Variants in DGKA observed in about 807,000 individuals in gnomAD.
The protein encoded by DGKA is diacylglycerol kinase alpha, also known as 80 kDa diacylglycerol kinase.
A neutral mutation model predicts 105.0 loss-of-function variants in DGKA; 35 were observed. The observed-to-expected ratio is 0.33, with a 90% CI of 0.25 to 0.44. DGKA has a LOEUF of 0.44. Among genes scored for constraint, DGKA ranks in the 20% least tolerant of loss-of-function variants. The pLI, the probability that DGKA is intolerant of heterozygous loss-of-function variation, is 1.00. For missense variants in DGKA, 665 were observed against 915.0 expected, an observed-to-expected ratio of 0.73 and a Z score of 3.53; for synonymous variants, 296 against 332.0, an observed-to-expected ratio of 0.89 and a Z score of 1.18.
rs1023984210 is a variant in DGKA, at chr12:55,932,006, T to G, written c.-82+662T>G. 2.6e-5 allele frequency: 4 copies of G among 152,084 alleles called. No individual in the cohort carries two copies. Among genetic ancestry groups the G allele is most frequent in the Non-Finnish European group, 5.9e-5 (4 of 68,092 alleles). The allele number at this position is 152,084 out of a possible 1,614,324, so 9.4% of individuals were successfully genotyped here. A position where few individuals can be genotyped will look rare whatever the true frequency, so the allele number is the denominator to read the frequency against. ...GGGTGGGGGGCGGGCAGCTATGTCG[T>G]CAGGAACGGGGCGGCCCCGCTGCGG... On this transcript the variant is annotated intron_variant, in intron 1 of 23. Coordinates refer to ENST00000331886, the MANE Select transcript of DGKA (RefSeq NM_001345.5). The surrounding 1 kb of genome is among the most constrained non-coding windows in gnomAD (Gnocchi z 4.3).
chr12:55,953,873 G>A lies in DGKA; in HGVS notation c.*105G>A. ...GCTGCCACATACTCCTGCCAGCTTG[G>A]GGGAGTGTTCCTTCACCCTCACAGT... is the stretch of plus-strand genomic sequence containing the variant. On this transcript the variant is annotated 3_prime_UTR_variant, in exon 24 of 24. Coordinates refer to ENST00000331886, the MANE Select transcript of DGKA (RefSeq NM_001345.5). 6.0e-6 allele frequency: 6 copies of A among 1,003,646 alleles called. No homozygotes were observed. The South Asian group carries it at 8.6e-5, about 14-fold the overall frequency. The allele number at this position is 1,003,646 out of a possible 1,614,324, so 62.2% of individuals were successfully genotyped here. A position where few individuals can be genotyped will look rare whatever the true frequency, so the allele number is the denominator to read the frequency against.
At chr12:55,937,874 G>T (rs1885075804) in intron 4 of DGKA, 104 bp from the exon 5 acceptor site, 1 of 1,087,432 alleles carries the variant, frequency 9.2e-7, no homozygotes, top group Non-Finnish European at 1.4e-6. Flanking sequence ...AAAAAAATCA[G>T]TAAATCTTTT....
intron 3 of DGKA, 30 bp downstream of exon 3, chr12:55,937,120 G>T: frequency 6.2e-7 from 1 of 1,610,514 alleles, no homozygotes; most frequent in South Asian, 1.1e-5. Flanking sequence ...TCTTCTTCTT[G>T]ATCAACTCTT....
At chr12:55,942,318 A>G (rs1019795501) in intron 17 of DGKA, 55 bp downstream of exon 17, 9 of 1,547,644 alleles carry the variant, frequency 5.8e-6, no homozygotes, top group Non-Finnish European at 8.0e-6. Flanking sequence ...GTAGGAAGGG[A>G]AAGGCACTTA....
chr12:55,927,832 G>C (rs1883224988), upstream of DGKA: 10 of 1,510,314 alleles, frequency 6.6e-6, no homozygotes, highest in Non-Finnish European at 7.1e-6. Context: ...GCGGCGCCGG[G>C]GATTCGGCGG....
At chr12:55,929,941 G>A (rs903641730), upstream of DGKA, among the ~76,000 whole-genome samples, 3 of 152,188 alleles carry the variant, frequency 2.0e-5, no homozygotes, top group Non-Finnish European at 2.9e-5. Flanking sequence ...CATATCTAAA[G>A]ACGATAGAGT....
At chr12:55,951,207 A>G (rs1888077520) in intron 17 of DGKA, among the ~76,000 whole-genome samples, 1 of 152,164 alleles carries the variant, frequency 6.6e-6, no homozygotes, top group Non-Finnish European at 1.5e-5. Context: ...ATTCTTTACT[A>G]TTGAACCTTT....
chr12:55,930,308 A>C (rs901565505), upstream of DGKA: 2 of 151,944 alleles, frequency 1.3e-5, no homozygotes, highest in Non-Finnish European at 1.5e-5. Context: ...AGCTTTGCTA[A>C]CAGTGAAGAA....
At chr12:55,950,040 TCTCAGCTCACTGCAAC>T (rs1426107957) in intron 17 of DGKA, among the ~76,000 whole-genome samples, 1 of 151,578 alleles carries the variant, frequency 6.6e-6, no homozygotes, top group East Asian at 1.9e-4. Context: ...AGTGGCGCAA[TCTCAGCTCACTGCAAC>T]CTCCGCCTCA....
At position 55,951,691 on chromosome 12, in the gene DGKA, C is replaced by T. The variant is rs1169976176; in HGVS notation, c.1495C>T (p.Arg499Ter). 4.3e-6 allele frequency: 7 copies of T among 1,613,810 alleles called. No individual in the cohort carries two copies. Among genetic ancestry groups the T allele is most frequent in the Non-Finnish European group, 5.9e-6 (7 of 1,180,018 alleles). ...LEMSKVVHMD[R>*]WSVEVIPQQT... is the part of the protein sequence containing the mutation. ...GATGAGTAAAGTGGTACATATGGAT[C>T]GATGGTCTGTGGAGGTGATACCTCA... The change falls in exon 18 of 24, where the codon CGA (arginine) becomes TGA (stop). Residue 499 changes from arginine to a stop codon, truncating the protein, a stop_gained. Transcript: ENST00000331886. LOFTEE classifies it high-confidence loss of function.
chr12:55,947,812 C>T (rs993175644), intron 17 of DGKA, among the ~76,000 whole-genome samples: 6 of 152,006 alleles, frequency 3.9e-5, no homozygotes, highest in African/African-American at 1.2e-4. Flanking sequence ...TTTTTTGAGA[C>T]GGAGTTCCAC....
chr12:55,941,147 G>A (rs993254668), intron 13 of DGKA, 105 bp from the exon 14 acceptor site: 22 of 1,381,384 alleles, frequency 1.6e-5, no homozygotes, highest in Middle Eastern at 3.7e-4. Flanking sequence ...AGGGAGGGGG[G>A]AAATATCTTG....
chr12:55,946,639 G>A (rs555932798), intron 17 of DGKA, among the ~76,000 whole-genome samples: 1 of 152,276 alleles, frequency 6.6e-6, no homozygotes, highest in Non-Finnish European at 1.5e-5. Flanking sequence ...TTACAGGCGT[G>A]AGCCACCTCA....
intron 2 of DGKA, chr12:55,936,779 C>A: frequency 1.1e-6 from 1 of 877,948 alleles, no homozygotes; most frequent in African/African-American, 1.6e-5. Context: ...CTGCATTGTG[C>A]AAGGTCTCGG....
At chr12:55,927,445 C>CCACCTG, upstream of DGKA, 1 of 696,920 alleles carries the variant, frequency 1.4e-6, no homozygotes. Context: ...GGCGCAAGGC[C>CCACCTG]CACCTGCACC....
In DGKA at chr12:55,932,984, A is replaced by G. The variant is rs1199114620; in HGVS notation, c.-82+1640A>G. The G allele has an allele frequency of 5.6e-6, 1 of 179,976 alleles. No homozygotes were observed. Among genetic ancestry groups the G allele is most frequent in the East Asian group, 1.4e-4 (1 of 7,118 alleles). 11.1% of individuals were successfully genotyped at this position (179,976 alleles called of 1,614,324 possible). ...GCCTCAATATTCTGGAGACATAGCT[A>G]TTTCCTGAGTAATGGTCGACTTAAA... On this transcript the variant is annotated intron_variant, in intron 1 of 23. Transcript: ENST00000331886. The surrounding 1 kb of genome is among the most constrained non-coding windows in gnomAD (Gnocchi z 4.3).
Position 55,952,368 on chromosome 12 carries a change from A to G in DGKA, c.1680A>G (p.Glu560=). ...SRMKNKLWYF[E]FATSESIFST... is the part of the protein sequence containing the mutation. Reference sequence around the variant, plus strand: ...TGAAGAACAAGCTATGGTACTTCGAATTTGCCACATCTGAATCCATCTTCT... The same window carrying G: ...TGAAGAACAAGCTATGGTACTTCGAGTTTGCCACATCTGAATCCATCTTCT... Residue 560 remains glutamate, a synonymous_variant, in exon 20 of 24, where the codon GAA becomes GAG. Coordinates refer to ENST00000331886, the MANE Select transcript of DGKA (RefSeq NM_001345.5). The surrounding 1 kb of genome is among the most constrained non-coding windows in gnomAD (Gnocchi z 5.1). 6.2e-7 allele frequency: 1 copy of G among 1,614,084 alleles called. No homozygotes were observed.
At position 55,937,470 on chromosome 12, in the gene DGKA, C is replaced by G. The variant is rs1884992657; in HGVS notation, c.201C>G (p.Pro67=). Residue 67 remains proline (P), a synonymous_variant, in exon 4 of 24, where the codon CCC becomes CCG. Transcript: ENST00000331886. ...LKIYLEVDNV[P]RHLSLALFQS... is the part of the protein sequence containing the mutation. Reference sequence around the variant, plus strand: ...TCTATCTCGAAGTGGATAATGTTCCCAGACACCTAAGCCTGGCACTGTTTC... The same window carrying G: ...TCTATCTCGAAGTGGATAATGTTCCGAGACACCTAAGCCTGGCACTGTTTC... The G allele has an allele frequency of 6.2e-6, 10 of 1,614,054 alleles. No individual in the cohort carries two copies. Among genetic ancestry groups the G allele is most frequent in the African/African-American group, 1.3e-5 (1 of 74,908 alleles).
chr12:55,941,086 C>T, intron 13 of DGKA, 106 bp downstream of exon 13: 1 of 1,375,030 alleles, frequency 7.3e-7, no homozygotes, highest in Non-Finnish European at 1.0e-6. Context: ...GGTTGATGCT[C>T]ACTCTCCAGA....
Sources: allele counts gnomAD v4.1 joint callset (sites outside exome capture counted in the v4.1 genomes callset), GRCh38; gene constraint gnomAD v4.1.1; non-coding constraint Gnocchi (gnomAD v3.1); transcripts MANE v1.5; gene names NCBI Gene and HGNC (gene_info 2026-07-23, HGNC 2026-07-21).